PES1: variants seen among roughly 807,000 people sequenced by gnomAD.
The protein encoded by PES1 is pescadillo homolog.
A neutral mutation model predicts 77.1 loss-of-function variants in PES1; 31 were observed. The observed-to-expected ratio is 0.40, with a 90% CI of 0.30 to 0.54. PES1 has a LOEUF of 0.54. Ranked by LOEUF, PES1 falls within the 20% of genes least tolerant of loss-of-function variation. PES1 has a pLI of 0.45. For synonymous variants in PES1, 282 were observed against 303.0 expected, an observed-to-expected ratio of 0.93 and a Z score of 0.72; for missense variants, 658 against 771.7, an observed-to-expected ratio of 0.85 and a Z score of 1.75.
Position 30,579,176 on chromosome 22 carries a change from G to A in PES1, c.1482C>T (p.Ala494=). ...TCTGCTCTTCCAGGGCTGCCAGCCGGGCCTCTTCCTCCTTTTCTGAACCAG... is the reference window on the plus strand; with the variant it reads ...TCTGCTCTTCCAGGGCTGCCAGCCGAGCCTCTTCCTCCTTTTCTGAACCAG... ...AEAGSEKEEE[A]RLAALEEQRM... is the part of the protein sequence containing the mutation. The change falls in exon 13 of 15, where the codon GCC becomes GCT. Residue 494 remains alanine, a synonymous_variant. Transcript: ENST00000354694. The A allele has an allele frequency of 6.2e-7, 1 of 1,608,444 alleles. No individual in the cohort carries two copies. The highest frequency in any genetic ancestry group is 2.2e-5 in the East Asian group (1 of 44,848).
intron 6 of PES1, 161 bp downstream of exon 6, chr22:30,584,204 T>A (rs534514510): frequency 3.1e-6 from 2 of 638,694 alleles, no homozygotes. Flanking sequence ...CCGCTCTTAA[T>A]GAGGATGCTG....
chr22:30,598,010 A>G (rs963989029), intron 2 of PES1, among the ~76,000 whole-genome samples: 2 of 150,886 alleles, frequency 1.3e-5, no homozygotes, highest in African/African-American at 2.4e-5. Flanking sequence ...CAGCCTCCCA[A>G]GTAGCTGGGA....
In PES1 at chr22:30,587,346, G is replaced by C; in HGVS notation, c.308C>G (p.Thr103Ser). ...CTTATTGTCCTTTAAACGCTCTACA[G>C]TGTTCCACTCGCTCTTCCCATAAGC... The part of the protein sequence containing the change: ...RKAYGKSEWN[T>S]VERLKDNKPN... The change falls in exon 4 of 15, where the codon ACT (threonine) becomes AGT (serine). Residue 103 changes from threonine to serine, a missense_variant. By Grantham distance (58) the Thr-to-Ser change is moderately conservative. Coordinates refer to ENST00000354694, the MANE Select transcript of PES1 (RefSeq NM_014303.4). 1.2e-6 allele frequency: 2 copies of C among 1,613,994 alleles called. No individual in the cohort carries two copies. The highest frequency in any genetic ancestry group is 8.5e-7 in the Non-Finnish European group (1 of 1,179,958).
chr22:30,600,297 G>GT (rs1216219723), intron 2 of PES1, among the ~76,000 whole-genome samples: 2 of 152,154 alleles, frequency 1.3e-5, no homozygotes, highest in African/African-American at 4.8e-5. Flanking sequence ...AGGTTGTCAG[G>GT]TTTTTTATCT....
Position 30,581,722 on chromosome 22 carries a change from G to A in PES1, c.631-78C>T, listed in dbSNP as rs550145290. The A allele has an allele frequency of 4.4e-5, 44 of 996,426 alleles. No homozygotes were observed. The African/African-American group carries it at 6.6e-4, about 15-fold the overall frequency. 61.7% of individuals were successfully genotyped at this position (996,426 alleles called of 1,614,324 possible). On this transcript the variant is annotated intron_variant, in intron 6 of 14. Coordinates refer to ENST00000354694, the MANE Select transcript of PES1 (RefSeq NM_014303.4). ...GGAGGGACAGACAACCCACAGAGTGGAGGGTGTCTGACCTACCCAAAGACC... is the reference window on the plus strand; with the variant it reads ...GGAGGGACAGACAACCCACAGAGTGAAGGGTGTCTGACCTACCCAAAGACC...
chr22:30,600,408 C>T (rs372223457), intron 2 of PES1, among the ~76,000 whole-genome samples: 38 of 152,198 alleles, frequency 2.5e-4, no homozygotes, highest in African/African-American at 8.4e-4. Context: ...CTTGGCCAGG[C>T]GTGGTGGTTC....
chr22:30,583,061 C>G (rs1336508502), intron 6 of PES1, among the ~76,000 whole-genome samples: 4 of 152,162 alleles, frequency 2.6e-5, no homozygotes, highest in African/African-American at 9.7e-5. Context: ...GCCGGCCCAC[C>G]ACAGGGCCCT....
intron 12 of PES1, 22 bp from the exon 13 acceptor site, chr22:30,579,325 T>G (rs1421073129): frequency 6.3e-7 from 1 of 1,599,806 alleles, no homozygotes; most frequent in African/African-American, 1.3e-5. Flanking sequence ...CAATGTCCTC[T>G]GAATGCCCTG....
upstream of PES1, among the ~76,000 whole-genome samples, chr22:30,594,973 TAGAG>T (rs752232024): frequency 3.8e-4 from 58 of 152,102 alleles, no homozygotes; most frequent in East Asian, 1.9e-4. Context: ...GCCTGGGTGA[TAGAG>T]AGACTGGCTC....
At chr22:30,590,743 A>G (rs2087163467) in intron 1 of PES1, among the ~76,000 whole-genome samples, 1 of 152,186 alleles carries the variant, frequency 6.6e-6, no homozygotes, top group Non-Finnish European at 1.5e-5. Context: ...CAGTAGGTAA[A>G]GGATCAGGGA....
chr22:30,592,307 G>A (rs535503013), upstream of PES1: 4 of 992,224 alleles, frequency 4.0e-6, no homozygotes, highest in South Asian at 1.8e-4. Context: ...TTCGGCTGCC[G>A]CTGCTGAGAA....
chr22:30,599,941 G>T (rs959758905), intron 2 of PES1, among the ~76,000 whole-genome samples: 5 of 152,002 alleles, frequency 3.3e-5, no homozygotes, highest in Non-Finnish European at 5.9e-5. Context: ...GAATATATAT[G>T]ATAAATGCTT....
upstream of PES1, among the ~76,000 whole-genome samples, chr22:30,596,738 G>T (rs1299962357): frequency 6.6e-6 from 1 of 152,216 alleles, no homozygotes; most frequent in Non-Finnish European, 1.5e-5. Context: ...TGCCTCCTCG[G>T]CCTCGGCGCC....
intron 6 of PES1, among the ~76,000 whole-genome samples, chr22:30,583,566 T>G (rs2087019053): frequency 6.6e-6 from 1 of 152,140 alleles, no homozygotes; most frequent in African/African-American, 2.4e-5. Context: ...AGAAGCTCCA[T>G]GAGAGGGCAA....
At chr22:30,596,391 C>T (rs561710606), upstream of PES1, among the ~76,000 whole-genome samples, 3 of 151,876 alleles carry the variant, frequency 2.0e-5, no homozygotes, top group East Asian at 5.8e-4. Flanking sequence ...TGCTATGTTG[C>T]CCAGGCTGGT....
rs767967312 is a variant in PES1 at position 30,579,767 on chromosome 22, C to T, written c.1338G>A (p.Gln446=). The T allele has an allele frequency of 6.2e-7, 1 of 1,613,964 alleles. No individual in the cohort carries two copies. The highest frequency in any genetic ancestry group is 8.5e-7 in the Non-Finnish European group (1 of 1,180,014). Residue 446 remains glutamine (Q), a synonymous_variant, in exon 12 of 15, where the codon CAG becomes CAA. Transcript: ENST00000354694. ...CCCGCTCACCTGGGTCCTCTCCCCG[C>T]TGCAGAGCCAGCAGCTTCAGCTTCT... ...PPEKLKLLAL[Q]RGEDPGNLNE... is the part of the protein sequence containing the mutation.
intron 12 of PES1, 189 bp from the exon 13 acceptor site, chr22:30,579,492 C>G: frequency 1.1e-6 from 1 of 923,218 alleles, no homozygotes; most frequent in Non-Finnish European, 1.6e-6. Context: ...ATTCCAAGAC[C>G]CCCAGTCCTG....
At chr22:30,603,216 A>G (rs1321841588) in intron 2 of PES1, among the ~76,000 whole-genome samples, 1 of 151,864 alleles carries the variant, frequency 6.6e-6, no homozygotes, top group African/African-American at 2.4e-5. Flanking sequence ...CAGCCACTTG[A>G]AAGTAATTTT....
intron 14 of PES1, 57 bp from the exon 15 acceptor site, chr22:30,577,186 G>A (rs1166131964): frequency 5.0e-6 from 7 of 1,394,022 alleles, no homozygotes; most frequent in Non-Finnish European, 7.1e-6. Context: ...AGGGTGGGGG[G>A]CACAGAACTC....
Sources: allele counts gnomAD v4.1 joint callset (sites outside exome capture counted in the v4.1 genomes callset), GRCh38; gene constraint gnomAD v4.1.1; transcripts MANE v1.5; gene names NCBI Gene and HGNC (gene_info 2026-07-23, HGNC 2026-07-21).